Variants in MAP4 observed in about 807,000 individuals in gnomAD.
The protein encoded by MAP4 is microtubule associated protein 4.
In MAP4, 76 loss-of-function variants were observed where a neutral mutation model predicts 170.2. The ratio of observed to expected loss-of-function variants is 0.45; its 90% CI spans 0.37 to 0.54. The LOEUF (loss-of-function observed/expected upper bound fraction) is 0.54. Among genes scored for constraint, MAP4 ranks in the 20% least tolerant of loss-of-function variants. MAP4 has a pLI of 0.00. For synonymous variants in MAP4, 909 were observed against 994.5 expected (o/e 0.91, Z 1.62); for missense variants, 2,506 against 2,748.0 (o/e 0.91, Z 1.97).
In MAP4 at chr3:47,916,597, C is replaced by G; in HGVS notation, c.1230G>C (p.Leu410Phe). Residue 410 changes from leucine to phenylalanine, a missense_variant, in exon 7 of 21, where the codon TTG (leucine) becomes TTC (phenylalanine). By Grantham distance (22) the Leu-to-Phe change is conservative. This residue lies in a region of MAP4 where 2,008 missense variants were observed against 2,206.0 expected (regional missense o/e 0.91). Transcript: ENST00000683076. ...KENKIVPAKD[L>F]VLLSEIEVAQ... ...CCACCTCTATTTCTGAGAGTAATAC[C>G]AAATCCTTGGCTGGGACTATCTTGT... 1 of 1,614,218 alleles carries G rather than the reference C, an allele frequency of 6.2e-7. No homozygotes were observed. Among genetic ancestry groups the G allele is most frequent in the Non-Finnish European group, 8.5e-7 (1 of 1,180,050 alleles).
At chr3:47,928,051 G>C (rs577416932) in intron 4 of MAP4, among the ~76,000 whole-genome samples, 177 bp downstream of exon 4, 6 of 152,202 alleles carry the variant, frequency 3.9e-5, no homozygotes, top group Non-Finnish European at 8.8e-5. Context: ...GAACTAGAGG[G>C]CATTAAGTGT....
rs117997838 is a variant in MAP4 at position 47,960,458 on chromosome 3, T to C, written c.292+17407A>G. On this transcript the variant is annotated intron_variant, in intron 3 of 20. Transcript: ENST00000683076. ...GAAACTTTTTTGTTCATAACTTTCA[T>C]TGTTGGAGTTAGGTCATATCCTGCT... is the stretch of plus-strand genomic sequence containing the variant. The C allele has an allele frequency of 1.5e-3, 287 of 197,290 alleles. 9 individuals are homozygous for C. In the East Asian group the frequency reaches 0.036, roughly 24 times the overall value. 12.2% of individuals were successfully genotyped at this position (197,290 alleles called of 1,614,324 possible). A position where few individuals can be genotyped will look rare whatever the true frequency, so the allele number is the denominator to read the frequency against.
chr3:48,033,184 A>T (rs1286245851), intron 1 of MAP4, among the ~76,000 whole-genome samples: 1 of 152,184 alleles, frequency 6.6e-6, no homozygotes, highest in Non-Finnish European at 1.5e-5. Flanking sequence ...GCAAGGGGAA[A>T]AGGTAGGAGG....
chr3:48,056,045 C>T (rs1419501055), intron 1 of MAP4, among the ~76,000 whole-genome samples: 416 of 139,564 alleles, frequency 3.0e-3, no homozygotes, highest in African/African-American at 5.0e-3. Flanking sequence ...CCTCTCCGCC[C>T]AGCAGCCACC....
intron 1 of MAP4, among the ~76,000 whole-genome samples, chr3:48,056,874 A>C (rs1338650352): frequency 1.1e-4 from 7 of 64,530 alleles, no homozygotes; most frequent in Admixed American, 1.7e-4. Context: ...CCGGCCAGCC[A>C]CCCCGTCCGG....
chr3:48,042,268 T>C (rs187957421), intron 1 of MAP4, among the ~76,000 whole-genome samples: 5 of 152,290 alleles, frequency 3.3e-5, no homozygotes, highest in African/African-American at 7.2e-5. Context: ...TATGTCAGAA[T>C]TGAGTGGCTG....
At chr3:48,054,933 C>T (rs904213613) in intron 1 of MAP4, among the ~76,000 whole-genome samples, 1 of 152,126 alleles carries the variant, frequency 6.6e-6, no homozygotes, top group African/African-American at 2.4e-5. Context: ...CAGCCAAACA[C>T]CAAGAAAATA....
At position 47,916,338 on chromosome 3, in the gene MAP4, C is replaced by T; in HGVS notation, c.1489G>A (p.Val497Ile). ...TCCTTCAACAAGCCCACTTCTTTTA[C>T]TGTGGACGGAGCCACATCCTTGGCC... ...APAKDVAPSTVKEVGLLKDMS... is the reference protein window; with the variant it reads ...APAKDVAPSTIKEVGLLKDMS... The change falls in exon 7 of 21, where the codon GTA becomes ATA. Residue 497 changes from valine to isoleucine, a missense_variant. Val to Ile is a conservative substitution (Grantham distance 29, BLOSUM62 3). This residue lies in a region of MAP4 where 2,008 missense variants were observed against 2,206.0 expected (regional missense o/e 0.91). Coordinates refer to ENST00000683076, the MANE Select transcript of MAP4 (RefSeq NM_001385682.1). 2 of 1,614,258 alleles carry T rather than the reference C, an allele frequency of 1.2e-6. No homozygotes were observed. The highest frequency in any genetic ancestry group is 1.7e-6 in the Non-Finnish European group (2 of 1,180,044).
At chr3:48,038,340 T>C (rs2100119876) in intron 1 of MAP4, among the ~76,000 whole-genome samples, 2 of 152,060 alleles carry the variant, frequency 1.3e-5, no homozygotes, top group Admixed American at 1.3e-4. Context: ...TTTTTCTTTT[T>C]ATCACCATCC....
Position 47,958,498 on chromosome 3 carries a change from A to G in MAP4, c.292+19367T>C, listed in dbSNP as rs556456680. On this transcript the variant is annotated intron_variant, in intron 3 of 20. Transcript: ENST00000683076. ...TTCTTCTTTCCTTCTTCCCATTATT[A>G]TAAGTTGGAATTAGTTCAGTTTAGT... 2.5e-3 allele frequency among the ~76,000 whole-genome samples: 378 copies of G among 152,118 alleles called. 3 individuals are homozygous for G. The highest frequency in any genetic ancestry group is 8.0e-3 in the African/African-American group (333 of 41,498).
chr3:47,862,070 AGAATCACTT>A (rs761814888), intron 17 of MAP4, among the ~76,000 whole-genome samples: 12 of 149,444 alleles, frequency 8.0e-5, no homozygotes, highest in Non-Finnish European at 1.8e-4. Flanking sequence ...CTGAGACAGG[AGAATCACTT>A]GAATTCGGGA....
At chr3:47,857,371 C>G in intron 18 of MAP4, 60 bp downstream of exon 18, 1 of 1,417,646 alleles carries the variant, frequency 7.1e-7, no homozygotes, top group East Asian at 2.3e-5. Context: ...GGCTGCCCAG[C>G]TGACCCATGG....
At chr3:48,058,905 G>GGGAGAATC (rs2100133673) in intron 1 of MAP4, among the ~76,000 whole-genome samples, 1 of 151,866 alleles carries the variant, frequency 6.6e-6, no homozygotes, top group South Asian at 2.1e-4. Flanking sequence ...CTCAGCCTCC[G>GGGAGAATC]AGTAGCTGAG....
chr3:47,866,620 G>A (rs2080763406), intron 17 of MAP4, among the ~76,000 whole-genome samples: 1 of 151,704 alleles, frequency 6.6e-6, no homozygotes, highest in Non-Finnish European at 1.5e-5. Context: ...CGGGCATGGT[G>A]GCGAGTACCT....
chr3:47,928,397 C>T (rs2100047399), intron 3 of MAP4, 47 bp from the exon 4 acceptor site: 1 of 1,589,808 alleles, frequency 6.3e-7, no homozygotes, highest in East Asian at 2.2e-5. Flanking sequence ...TTACAGTTTT[C>T]TCCTCCACTA....
intron 3 of MAP4, among the ~76,000 whole-genome samples, chr3:47,936,056 C>A (rs1411055161): frequency 6.6e-6 from 1 of 151,292 alleles, no homozygotes; most frequent in African/African-American, 2.4e-5. Flanking sequence ...CTGAAAGACA[C>A]TGCCTAAGAA....
intron 1 of MAP4, among the ~76,000 whole-genome samples, chr3:48,056,939 G>T: frequency 7.5e-6 from 1 of 133,256 alleles, no homozygotes; most frequent in African/African-American, 2.9e-5. Flanking sequence ...GGAGGTGGGG[G>T]GTTCAGCCCC....
At chr3:48,088,106 A>C (rs1017803430) in intron 1 of MAP4, among the ~76,000 whole-genome samples, 1 of 152,164 alleles carries the variant, frequency 6.6e-6, no homozygotes, top group Non-Finnish European at 1.5e-5. Flanking sequence ...AACTTGTTCC[A>C]TGTGCTAAAT....
intron 1 of MAP4, among the ~76,000 whole-genome samples, chr3:48,085,178 C>T (rs1291296738): frequency 2.0e-5 from 3 of 146,834 alleles, no homozygotes; most frequent in Non-Finnish European, 4.5e-5. Flanking sequence ...AGCAACTACT[C>T]ACGCTTAATC....
Sources: allele counts gnomAD v4.1 joint callset (sites outside exome capture counted in the v4.1 genomes callset), GRCh38; gene constraint gnomAD v4.1.1; regional missense constraint gnomAD v4.1.1; transcripts MANE v1.5; gene names NCBI Gene and HGNC (gene_info 2026-07-23, HGNC 2026-07-21).